Variants in LHX6 observed in about 807,000 individuals in gnomAD.
LHX6 encodes the protein LIM homeobox 6.
In LHX6, 15 loss-of-function variants were observed where a neutral mutation model predicts 47.1. The ratio of observed to expected loss-of-function variants is 0.32; its 90% confidence interval spans 0.21 to 0.49. The LOEUF is 0.49. Among genes scored for constraint, LHX6 ranks in the 20% least tolerant of loss-of-function variants. The pLI is 0.99. For missense variants in LHX6, 404 were observed against 539.6 expected (o/e 0.75, Z 2.49); for synonymous variants, 242 against 233.5 (o/e 1.04, Z -0.33).
chr9:122,213,971 C>A lies in LHX6; in HGVS notation c.879+3G>T. ...CCCCAGGCCCCGCCCACCCCCGTCC[C>A]ACCTGGATGACTCTCCGGCTGAGGC... On this transcript the variant is annotated splice_donor_region_variant and intron_variant, in intron 7 of 9. Transcript: ENST00000394319. The surrounding 1 kb of genome is among the most constrained non-coding windows in gnomAD (Gnocchi z 5.5). The A allele has an allele frequency of 6.3e-7, 1 of 1,596,092 alleles. No individual in the cohort carries two copies. The highest frequency in any genetic ancestry group is 1.1e-5 in the South Asian group (1 of 90,844).
chr9:122,210,998 G>A (rs1005475539), intron 8 of LHX6, among the ~76,000 whole-genome samples: 3 of 152,238 alleles, frequency 2.0e-5, no homozygotes, highest in Admixed American at 6.5e-5. Flanking sequence ...CACCTAGAGT[G>A]AGGCATGGCA....
At position 122,228,873 on chromosome 9, in the gene LHX6, C is replaced by G; in HGVS notation, c.-133G>C. 2.1e-6 allele frequency: 1 copy of G among 469,138 alleles called. No individual in the cohort carries two copies. The highest frequency in any genetic ancestry group is 3.1e-6 in the Non-Finnish European group (1 of 324,268). The allele number at this position is 469,138 out of a possible 1,614,324, so 29.1% of individuals were successfully genotyped here. On this transcript the variant is annotated 5_prime_UTR_variant, in exon 1 of 10. Coordinates refer to ENST00000394319, the MANE Select transcript of LHX6 (RefSeq NM_014368.5). ...GAGGCGCCGGCCCCGCCGCCCCGGGCCCGGCCTCAGCCCCCGCCCCCGGCC... is the reference window on the plus strand; with the variant it reads ...GAGGCGCCGGCCCCGCCGCCCCGGGGCCGGCCTCAGCCCCCGCCCCCGGCC...
intron 8 of LHX6, among the ~76,000 whole-genome samples, chr9:122,210,723 A>G (rs1343865382): frequency 6.6e-6 from 1 of 152,070 alleles, no homozygotes; most frequent in Non-Finnish European, 1.5e-5. Flanking sequence ...CATCATGCCC[A>G]GCTAATTTTT....
At chr9:122,211,139 C>T (rs1830384207) in intron 8 of LHX6, among the ~76,000 whole-genome samples, 2 of 152,196 alleles carry the variant, frequency 1.3e-5, no homozygotes, top group Admixed American at 1.3e-4. Context: ...ATCACTACAG[C>T]GGAGAAGTCC....
intron 1 of LHX6, chr9:122,228,336 G>A: frequency 6.5e-7 from 1 of 1,534,060 alleles, no homozygotes; most frequent in Non-Finnish European, 8.7e-7. Flanking sequence ...TCAGCGCTGC[G>A]CCGGCACAAC....
At chr9:122,209,249 A>C (rs1285318713) in intron 9 of LHX6, among the ~76,000 whole-genome samples, 1 of 152,192 alleles carries the variant, frequency 6.6e-6, no homozygotes, top group Non-Finnish European at 1.5e-5. Context: ...CAGGATATTC[A>C]CTCCCAACAG....
At chr9:122,212,741 G>A (rs1051416574) in intron 8 of LHX6, among the ~76,000 whole-genome samples, 2 of 151,902 alleles carry the variant, frequency 1.3e-5, no homozygotes, top group African/African-American at 2.4e-5. Context: ...TCCCTGCCAC[G>A]GACATGCCTG....
chr9:122,209,139 C>A (rs1462287819), intron 9 of LHX6, among the ~76,000 whole-genome samples: 1 of 152,200 alleles, frequency 6.6e-6, no homozygotes, highest in African/African-American at 2.4e-5. Flanking sequence ...GAAGTGCAGT[C>A]CTAAAGCCTG....
chr9:122,216,055 T>A lies in LHX6; in HGVS notation c.682+1013A>T, dbSNP rs565365487. Among the ~76,000 whole-genome samples, 4 of 152,262 alleles carry A rather than the reference T, an allele frequency of 2.6e-5. 1 individual carries two copies. The highest frequency in any genetic ancestry group is 1.3e-4 in the Admixed American group (2 of 15,288). Reference sequence around the variant, plus strand: ...AGAGCTTAGGGCCAAGGTGGTGTGGTATGGTATGATATGGTATGGTATGGT... The same window carrying A: ...AGAGCTTAGGGCCAAGGTGGTGTGGAATGGTATGATATGGTATGGTATGGT... On this transcript the variant is annotated intron_variant, in intron 5 of 9. Transcript: ENST00000394319.
chr9:122,217,163 G>A lies in LHX6; in HGVS notation c.587C>T (p.Ser196Phe). The A allele has an allele frequency of 6.2e-7, 1 of 1,614,280 alleles. No individual in the cohort carries two copies. Residue 196 changes from serine to phenylalanine, a missense_variant, in exon 5 of 10, where the codon TCC becomes TTC. Transcript: ENST00000394319. This position sits in a 1 kb window ranked among gnomAD's most constrained non-coding sequence, Gnocchi z 4.9. ...FACFSCKRQLSTGEEFGLVEE... is the reference protein window; with the variant it reads ...FACFSCKRQLFTGEEFGLVEE... ...GACCAGGCCGAACTCCTCACCAGTGGACAGCTGGCGCTTGCACGAGAAGCA... is the reference window on the plus strand; with the variant it reads ...GACCAGGCCGAACTCCTCACCAGTGAACAGCTGGCGCTTGCACGAGAAGCA...
chr9:122,221,744 A>G, intron 4 of LHX6: 11 of 985,546 alleles, frequency 1.1e-5, no homozygotes, highest in Non-Finnish European at 1.3e-5. Flanking sequence ...ACACATCAGA[A>G]AACACAGCGG....
Position 122,203,367 on chromosome 9 carries a change from C to T in LHX6, c.*1393G>A, listed in dbSNP as rs1830054271. On this transcript the variant is annotated 3_prime_UTR_variant, in exon 10 of 10. Transcript: ENST00000394319. ...GCGTATGTACCATGAACTTGCTTTC[C>T]CTGTCTTAGAGTCTCCTTCCAAAAG... 1 of 152,518 alleles carries T rather than the reference C, an allele frequency of 6.6e-6. No homozygotes were observed. The highest frequency in any genetic ancestry group is 1.5e-5 in the Non-Finnish European group (1 of 68,046). The allele number at this position is 152,518 out of a possible 1,614,324, so 9.4% of individuals were successfully genotyped here.
intron 4 of LHX6, chr9:122,221,821 G>T: frequency 1.7e-6 from 1 of 594,680 alleles, no homozygotes; most frequent in African/African-American, 2.0e-5. Flanking sequence ...TGCACAGACG[G>T]GTGGCTGATA....
rs773077893 is a variant in LHX6, at chr9:122,214,104, G to A, written c.784-35C>T. ...GGGGAGGGCGGTGAGGCGCTCGCAC[G>A]CAGAGACTCCGAGACCCCGGCCCAA... On this transcript the variant is annotated intron_variant, in intron 6 of 9. Coordinates refer to ENST00000394319, the MANE Select transcript of LHX6 (RefSeq NM_014368.5). The surrounding 1 kb of genome is among the most constrained non-coding windows in gnomAD (Gnocchi z 4.6). The A allele has an allele frequency of 1.2e-4, 194 of 1,565,464 alleles. No homozygotes were observed. Among genetic ancestry groups the A allele is most frequent in the Non-Finnish European group, 1.6e-4 (189 of 1,154,630 alleles).
chr9:122,226,857 A>G lies in LHX6; in HGVS notation c.330T>C (p.Tyr110=). 1.3e-6 allele frequency: 2 copies of G among 1,565,910 alleles called. No individual in the cohort carries two copies. The highest frequency in any genetic ancestry group is 1.3e-5 in the African/African-American group (1 of 74,142). The change falls in exon 3 of 10, where the codon TAT becomes TAC. Residue 110 remains tyrosine (Y), a synonymous_variant. Coordinates refer to ENST00000394319, the MANE Select transcript of LHX6 (RefSeq NM_014368.5). This position sits in a 1 kb window ranked among gnomAD's most constrained non-coding sequence, Gnocchi z 6.5. ...CCTACCCCTGTCTCACCTTGAGCAG[A>G]TATCGGTCCAGGATCTCGAGGCCGC... ...SSCGLEILDR[Y]LLKVNNLIWH... is the part of the protein sequence containing the mutation.
rs1831189338 is a variant in LHX6, at chr9:122,228,161, G to A, written c.84+496C>T. 145 of 770,140 alleles carry A rather than the reference G, an allele frequency of 1.9e-4. 1 individual carries two copies. In the South Asian group the frequency reaches 2.0e-3, roughly 11 times the overall value. The allele number at this position is 770,140 out of a possible 1,614,324, so 47.7% of individuals were successfully genotyped here. ...GAAATTGAAGCAGCTATATTGACAC[G>A]GATTCAGGCGCCTTTCGAGGGCCAG... On this transcript the variant is annotated intron_variant, in intron 1 of 9. Coordinates refer to ENST00000394319, the MANE Select transcript of LHX6 (RefSeq NM_014368.5).
Position 122,227,384 on chromosome 9 carries a change from C to G in LHX6, c.156+25G>C. ...GCCGGGCCGCTGGAGGACTGGGCAC[C>G]GCAGGCAGGGCCAAACGGACTCACC... On this transcript the variant is annotated intron_variant, in intron 2 of 9. Coordinates refer to ENST00000394319, the MANE Select transcript of LHX6 (RefSeq NM_014368.5). 4 of 1,500,232 alleles carry G rather than the reference C, an allele frequency of 2.7e-6. 1 individual carries two copies. The South Asian group carries it at 3.7e-5, about 14-fold the overall frequency. The allele number at this position is 1,500,232 out of a possible 1,614,324, so 92.9% of individuals were successfully genotyped here. A position where few individuals can be genotyped will look rare whatever the true frequency, so the allele number is the denominator to read the frequency against.
chr9:122,213,983 T>C lies in LHX6; in HGVS notation c.870A>G (p.Arg290=), dbSNP rs1588343761. 1.6e-6 allele frequency: 2 copies of C among 1,227,088 alleles called. No individual in the cohort carries two copies. The allele number at this position is 1,227,088 out of a possible 1,614,324, so 76.0% of individuals were successfully genotyped here. A position where few individuals can be genotyped will look rare whatever the true frequency, so the allele number is the denominator to read the frequency against. ...KLADMTGLSR[R]VIQVWFQNCR... ...CCCACCCCCGTCCCACCTGGATGAC[T>C]CTCCGGCTGAGGCCCGTCATGTCCG... The change falls in exon 7 of 10, where the codon AGA becomes AGG. Residue 290 remains arginine, a synonymous_variant. Coordinates refer to ENST00000394319, the MANE Select transcript of LHX6 (RefSeq NM_014368.5). This position sits in a 1 kb window ranked among gnomAD's most constrained non-coding sequence, Gnocchi z 5.5.
Position 122,213,943 on chromosome 9 carries a change from G to C in LHX6, c.879+31C>G. 1.3e-6 allele frequency: 2 copies of C among 1,521,126 alleles called. No homozygotes were observed. The highest frequency in any genetic ancestry group is 4.5e-5 in the East Asian group (2 of 44,376). 94.2% of individuals were successfully genotyped at this position (1,521,126 alleles called of 1,614,324 possible). On this transcript the variant is annotated intron_variant, in intron 7 of 9. Transcript: ENST00000394319. This position sits in a 1 kb window ranked among gnomAD's most constrained non-coding sequence, Gnocchi z 5.5. ...GCTACGAGCTCCGGGGCGTGCCCGC[G>C]GTCCCCAGGCCCCGCCCACCCCCGT...
Sources: allele counts gnomAD v4.1 joint callset (sites outside exome capture counted in the v4.1 genomes callset), GRCh38; gene constraint gnomAD v4.1.1; non-coding constraint Gnocchi (gnomAD v3.1); transcripts MANE v1.5; gene names NCBI Gene and HGNC (gene_info 2026-07-23, HGNC 2026-07-21).